Variants in ALG13 observed in about 807,000 individuals in gnomAD.
ALG13 encodes the protein ALG13 UDP-N-acetylglucosaminyltransferase subunit.
A neutral mutation model predicts 87.8 loss-of-function variants in ALG13; 11 were observed. That is an observed-to-expected ratio of 0.13 (90% CI 0.08 to 0.21). The LOEUF is 0.21. Ranked by LOEUF, ALG13 falls within the 10% of genes least tolerant of loss-of-function variation. The pLI is 1.00. For missense variants in ALG13, 756 were observed against 866.1 expected (o/e 0.87, Z 1.60); for synonymous variants, 320 against 306.3 (o/e 1.04, Z -0.47).
In ALG13 at chrX:111,700,677, A is replaced by G. The variant is rs529751320; in HGVS notation, c.384-7350A>G. Among the ~76,000 whole-genome samples, 129 of 107,141 alleles carry G rather than the reference A, an allele frequency of 1.2e-3. 3 individuals carry two copies. In the South Asian group the frequency reaches 0.053, roughly 44 times the overall value. 93.0% of individuals were successfully genotyped at this position (107,141 alleles called of 115,157 possible). Reference sequence around the variant, plus strand: ...CTGCAATCTCCGCCTCCCAGGTTCAAACGATTCACCTGCCTCAGCCTGCTG... The same window carrying G: ...CTGCAATCTCCGCCTCCCAGGTTCAGACGATTCACCTGCCTCAGCCTGCTG... On this transcript the variant is annotated intron_variant, in intron 3 of 26. Transcript: ENST00000394780.
intron 23 of ALG13, among the ~76,000 whole-genome samples, chrX:111,737,861 C>G (rs1943383427): frequency 8.9e-6 from 1 of 112,221 alleles, no homozygotes. Context: ...TCAAAATTGA[C>G]CTGCCAGAGT....
rs797044876 is a variant in ALG13, at chrX:111,727,629, T to G, written c.2106T>G (p.Ser702Arg). 2 of 1,207,114 alleles carry G rather than the reference T, an allele frequency of 1.7e-6. No individual in the cohort carries two copies. Among genetic ancestry groups the G allele is most frequent in the Non-Finnish European group, 2.2e-6 (2 of 893,645 alleles). Residue 702 changes from serine (S) to arginine (R), a missense_variant, in exon 18 of 27, where the codon AGT (serine) becomes AGG (arginine). Physicochemically the swap from Ser to Arg is moderately radical, Grantham distance 110 (BLOSUM62 -1). Coordinates refer to ENST00000394780, the MANE Select transcript of ALG13 (RefSeq NM_001099922.3). ...ACCACTTAAGTTCATTTAGACGTAG[T>G]CACCGCCAGATGAGTTGTGTGAATA... is the stretch of plus-strand genomic sequence containing the variant. ...FSYRSRSFRRSHRQMSCVNKE... is the reference protein window; with the variant it reads ...FSYRSRSFRRRHRQMSCVNKE...
chrX:111,690,915 G>A (rs1936020961), intron 3 of ALG13, among the ~76,000 whole-genome samples: 2 of 111,208 alleles, frequency 1.8e-5, no homozygotes, highest in Non-Finnish European at 3.8e-5. Flanking sequence ...GTATAAGCAC[G>A]TAATTCCTCT....
At chrX:111,728,452 T>C in intron 19 of ALG13, 147 bp downstream of exon 19, 1 of 665,968 alleles carries the variant, frequency 1.5e-6, no homozygotes, top group Non-Finnish European at 2.2e-6. Flanking sequence ...TAATGCTTGC[T>C]GGGTTTTTGA....
At position 111,735,128 on chromosome X, in the gene ALG13, C is replaced by G. The variant is rs1569520797; in HGVS notation, c.2529+6C>G. ...CATACAACTACCCCCAGAAGGTAAT[C>G]CTCATAGTGTTATTAAGCAGTTACA... On this transcript the variant is annotated splice_donor_region_variant and intron_variant, in intron 22 of 26. Transcript: ENST00000394780. 7.1e-6 allele frequency: 8 copies of G among 1,129,498 alleles called. No homozygotes were observed. The highest frequency in any genetic ancestry group is 9.7e-6 in the Non-Finnish European group (8 of 826,378). The allele number at this position is 1,129,498 out of a possible 1,213,427, so 93.1% of individuals were successfully genotyped here.
chrX:111,722,111 A>G lies in ALG13; in HGVS notation c.1435+400A>G, dbSNP rs1379751686. Among the ~76,000 whole-genome samples, 7 of 112,170 alleles carry G rather than the reference A, an allele frequency of 6.2e-5. No individual in the cohort carries two copies. In the East Asian group the frequency reaches 1.7e-3, roughly 27 times the overall value. Reference sequence around the variant, plus strand: ...GTCTATGAGCTAAGAATGGTCTTTAATTCTTAAATGGCAGAAAAAATTAAA... The same window carrying G: ...GTCTATGAGCTAAGAATGGTCTTTAGTTCTTAAATGGCAGAAAAAATTAAA... On this transcript the variant is annotated intron_variant, in intron 12 of 26. Coordinates refer to ENST00000394780, the MANE Select transcript of ALG13 (RefSeq NM_001099922.3).
At chrX:111,696,660 A>C (rs1258690616) in intron 3 of ALG13, among the ~76,000 whole-genome samples, 1 of 112,120 alleles carries the variant, frequency 8.9e-6, no homozygotes, top group Non-Finnish European at 1.9e-5. Context: ...GTGAAGAAAT[A>C]AATATAGCAA....
Position 111,708,086 on chromosome X carries a change from A to AT in ALG13, c.445dup (p.Ser149PhefsTer23), listed in dbSNP as rs767253431. ...GCTTCTGCTCCTGGGAAGTGCCAAG[A>AT]TTCTGCAGCGCTGACTTCAACTGCC... On this transcript the variant is annotated frameshift_variant, in exon 4 of 27. Transcript: ENST00000394780. LOFTEE classifies it high-confidence loss of function. 26 of 1,209,454 alleles carry AT rather than the reference A, an allele frequency of 2.1e-5. No homozygotes were observed. In the South Asian group the frequency reaches 4.6e-4, roughly 21 times the overall value.
chrX:111,757,724 G>A lies in ALG13; in HGVS notation c.3110G>A (p.Arg1037Lys), dbSNP rs1945397347. The change falls in exon 26 of 27, where the codon AGG (arginine) becomes AAG (lysine). Residue 1037 changes from arginine to lysine, a missense_variant. Physicochemically the swap from Arg to Lys is conservative, Grantham distance 26. This residue lies in a region of ALG13 where 110 missense variants were observed against 104.9 expected (regional missense o/e 1.05). Coordinates refer to ENST00000394780, the MANE Select transcript of ALG13 (RefSeq NM_001099922.3). The part of the protein sequence containing the change: ...QTVPQCYSEV[R>K]REDGIQAEAS... ...GTTCCTCAATGCTACAGTGAGGTGA[G>A]GAGAGAAGATGGCATACAGGCGGAA... The A allele has an allele frequency of 8.3e-7, 1 of 1,208,317 alleles. No homozygotes were observed. Among genetic ancestry groups the A allele is most frequent in the South Asian group, 1.8e-5 (1 of 56,613 alleles).
chrX:111,754,714 C>A (rs754593958), intron 25 of ALG13, among the ~76,000 whole-genome samples: 3 of 111,348 alleles, frequency 2.7e-5, no homozygotes, highest in Non-Finnish European at 5.7e-5. Context: ...ATCCAACTTA[C>A]AAGGGATGTG....
intron 21 of ALG13, among the ~76,000 whole-genome samples, chrX:111,731,148 A>C (rs1942642363): frequency 8.9e-6 from 1 of 112,121 alleles, no homozygotes; most frequent in East Asian, 2.8e-4. Context: ...TCATAGGCAG[A>C]ATACTTGTTT....
rs761838322 is a variant in ALG13 at position 111,727,714 on chromosome X, A to G, written c.2191A>G (p.Thr731Ala). 10 of 1,210,253 alleles carry G rather than the reference A, an allele frequency of 8.3e-6. No individual in the cohort carries two copies. The South Asian group carries it at 1.6e-4, about 19-fold the overall frequency. ...NGQMPRGLEETITFYEVEEGD... is the reference protein window; with the variant it reads ...NGQMPRGLEEAITFYEVEEGD... ...ACAGATGCCCAGGGGCTTGGAAGAA[A>G]CTATTACTTTTTATGAAGTTGAAGA... Residue 731 changes from threonine (T) to alanine (A), a missense_variant, in exon 18 of 27, where the codon ACT becomes GCT. Around this residue, in one of 9 missense-constraint regions of ALG13, gnomAD observed 362 missense variants for 383.5 expected, o/e 0.94. Transcript: ENST00000394780.
rs1004515571 is a variant in ALG13 at position 111,753,592 on chromosome X, A to G, written c.2973+762A>G. ...AAGAGAGAAGAATCAAATAGACACA[A>G]TAAAAAATGATACCACAGAAATACA... On this transcript the variant is annotated intron_variant, in intron 25 of 26. Transcript: ENST00000394780. Among the ~76,000 whole-genome samples the G allele has an allele frequency of 2.7e-5, 3 of 112,085 alleles. No individual in the cohort carries two copies. The Admixed American group carries it at 2.8e-4, about 11-fold the overall frequency.
At position 111,708,869 on chromosome X, in the gene ALG13, A is replaced by G. The variant is rs1939234291; in HGVS notation, c.751-96A>G. 3 of 537,803 alleles carry G rather than the reference A, an allele frequency of 5.6e-6. No homozygotes were observed. In the South Asian group the frequency reaches 9.7e-5, roughly 17 times the overall value. The allele number at this position is 537,803 out of a possible 1,213,427, so 44.3% of individuals were successfully genotyped here. A position where few individuals can be genotyped will look rare whatever the true frequency, so the allele number is the denominator to read the frequency against. On this transcript the variant is annotated intron_variant, in intron 4 of 26. Transcript: ENST00000394780. ...TCCCAATTTCCTACATATGTTCTGA[A>G]TAAGGAAGCCTTAAGTGTCCAGTTC...
At chrX:111,711,623 A>G in intron 5 of ALG13, 52 bp from the exon 6 acceptor site, 1 of 1,091,587 alleles carries the variant, frequency 9.2e-7, no homozygotes, top group South Asian at 2.0e-5. Flanking sequence ...ATATAATCAG[A>G]TTTCAGTAAT....
intron 10 of ALG13, among the ~76,000 whole-genome samples, chrX:111,719,252 C>T: frequency 1.8e-5 from 2 of 110,470 alleles, no homozygotes; most frequent in South Asian, 7.8e-4. Context: ...ATCTTGGTCT[C>T]CTGACCTCGT....
intron 2 of ALG13, among the ~76,000 whole-genome samples, chrX:111,684,531 C>G (rs955147534): frequency 9.0e-6 from 1 of 111,002 alleles, no homozygotes. Context: ...CTCTATGTTG[C>G]AGAGAGTGGT....
chrX:111,724,892 C>G (rs374860848), intron 14 of ALG13, 42 bp from the exon 15 acceptor site: 6 of 1,189,470 alleles, frequency 5.0e-6, no homozygotes, highest in Non-Finnish European at 5.7e-6. Context: ...AAAGTTAAGT[C>G]TGTGTTGCAG....
chrX:111,745,064 T>C (rs778437856), intron 24 of ALG13, among the ~76,000 whole-genome samples, 160 bp downstream of exon 24: 22 of 111,408 alleles, frequency 2.0e-4, no homozygotes, highest in Non-Finnish European at 2.8e-4. Flanking sequence ...AATTAAAAGC[T>C]GAAAACTGAG....
Sources: gnomAD v4.1 joint callset for allele counts (sites outside exome capture counted in the v4.1 genomes callset) on GRCh38, gnomAD v4.1.1 for gene constraint, gnomAD v4.1.1 regional missense constraint, MANE v1.5 for transcripts, NCBI Gene and HGNC (gene_info 2026-07-23, HGNC 2026-07-21) for gene names.